Variants in NHSL1 observed in about 807,000 individuals in gnomAD.
NHSL1 encodes the protein NHS-like protein 1.
A neutral mutation model predicts 95.0 loss-of-function variants in NHSL1; 48 were observed. The observed-to-expected ratio is 0.51, with a 90% CI of 0.40 to 0.64. NHSL1 has a LOEUF of 0.64. NHSL1 is among the 30% of genes least tolerant of loss of function. NHSL1 has a pLI of 0.00. For synonymous variants in NHSL1, 783 were observed against 833.9 expected, an observed-to-expected ratio of 0.94 and a Z score of 1.05; for missense variants, 1,971 against 2,077.7, an observed-to-expected ratio of 0.95 and a Z score of 1.00.
intron 1 of NHSL1, among the ~76,000 whole-genome samples, chr6:138,639,723 T>G (rs941643478): frequency 5.6e-5 from 8 of 143,462 alleles, no homozygotes; most frequent in African/African-American, 2.1e-4. Context: ...GAAGAATCAC[T>G]TGAACCTGGG....
rs1157342436 is a variant in NHSL1, at chr6:138,464,715, C to CTTTTTTTTTTTTTTTTTTTTTT, written c.339+8590_339+8591insAAAAAAAAAAAAAAAAAAAAAA. ...TTCTCTTCACTTTTTTTTTTCTTTT[C>CTTTTTTTTTTTTTTTTTTTTTT]TTTTTTTTTTTTTTTGAGACAGAGT... On this transcript the variant is annotated intron_variant, in intron 3 of 7. Transcript: ENST00000343505. Among the ~76,000 whole-genome samples the CTTTTTTTTTTTTTTTTTTTTTT allele has an allele frequency of 4.6e-4, 55 of 118,964 alleles. 2 individuals are homozygous for CTTTTTTTTTTTTTTTTTTTTTT. The highest frequency in any genetic ancestry group is 1.0e-3 in the African/African-American group (30 of 28,840). The allele number at this position is 118,964 out of a possible 152,430, so 78.0% of individuals were successfully genotyped here. A position where few individuals can be genotyped will look rare whatever the true frequency, so the allele number is the denominator to read the frequency against.
At chr6:138,669,914 A>C (rs1482234140) in intron 1 of NHSL1, among the ~76,000 whole-genome samples, 10 of 152,136 alleles carry the variant, frequency 6.6e-5, no homozygotes, top group Non-Finnish European at 1.2e-4. Context: ...CGAGGTCAGG[A>C]GTTTGAGACC....
intron 3 of NHSL1, among the ~76,000 whole-genome samples, chr6:138,458,088 G>A (rs1004668959): frequency 1.3e-5 from 2 of 151,854 alleles, no homozygotes; most frequent in African/African-American, 4.8e-5. Flanking sequence ...GTCTTAACAC[G>A]GAAGACCATA....
At chr6:138,598,452 C>T (rs1784329314) in intron 1 of NHSL1, among the ~76,000 whole-genome samples, 1 of 124,708 alleles carries the variant, frequency 8.0e-6, no homozygotes. Flanking sequence ...AGCAAGACTC[C>T]ATCTTGGAAA....
intron 7 of NHSL1, among the ~76,000 whole-genome samples, chr6:138,427,811 A>C (rs2128191219): frequency 6.6e-6 from 1 of 152,348 alleles, no homozygotes. Flanking sequence ...AAGGACATAA[A>C]AATAAAGCCC....
chr6:138,486,385 T>G (rs1313771210), intron 2 of NHSL1, among the ~76,000 whole-genome samples: 2 of 152,162 alleles, frequency 1.3e-5, no homozygotes, highest in African/African-American at 4.8e-5. Context: ...ATCTAAAGAC[T>G]TCCTTGAAAC....
chr6:138,649,787 C>A (rs1785064887), intron 1 of NHSL1, among the ~76,000 whole-genome samples: 1 of 152,068 alleles, frequency 6.6e-6, no homozygotes, highest in East Asian at 1.9e-4. Flanking sequence ...GGGGATCACG[C>A]CCTATTTACG....
intron 1 of NHSL1, among the ~76,000 whole-genome samples, chr6:138,634,390 A>G (rs1784861389): frequency 6.6e-6 from 1 of 151,052 alleles, no homozygotes; most frequent in Admixed American, 6.6e-5. Flanking sequence ...ACAAAAACAA[A>G]CAAAAAGAGC....
At chr6:138,601,061 T>G (rs1296464580) in intron 1 of NHSL1, among the ~76,000 whole-genome samples, 1 of 152,216 alleles carries the variant, frequency 6.6e-6, no homozygotes, top group African/African-American at 2.4e-5. Context: ...CATTTACTTT[T>G]TAAGGTACTA....
rs116820431 is a variant in NHSL1 at position 138,612,321 on chromosome 6, G to A, written c.96+80155C>T. On this transcript the variant is annotated intron_variant, in intron 1 of 3. Coordinates refer to the NHSL1 transcript ENST00000491526. Reference sequence around the variant, plus strand: ...ACAGAAACACTAATACAAGAACTGCGTAATTTTAATACCCAAAAAACAAAG... The same window carrying A: ...ACAGAAACACTAATACAAGAACTGCATAATTTTAATACCCAAAAAACAAAG... Among the ~76,000 whole-genome samples, 1,505 of 152,118 alleles carry A rather than the reference G, an allele frequency of 9.9e-3. 28 individuals carry two copies. Among genetic ancestry groups the A allele is most frequent in the African/African-American group, 0.033 (1,388 of 41,492 alleles).
At chr6:138,558,747 T>C (rs1376041587) in intron 1 of NHSL1, among the ~76,000 whole-genome samples, 1 of 151,948 alleles carries the variant, frequency 6.6e-6, no homozygotes, top group African/African-American at 2.4e-5. Context: ...AGTAACTGTT[T>C]CAAAAAAAAC....
rs1174952254 is a variant in NHSL1 at position 138,422,636 on chromosome 6, G to A, written c.*1445C>T. On this transcript the variant is annotated 3_prime_UTR_variant, in exon 8 of 8. Transcript: ENST00000343505. ...GAGTCTAAGTACATGGAAGTTAAGG[G>A]AGTAAGGGTGGGGGTAATGAGATTA... is the stretch of plus-strand genomic sequence containing the variant. 1.3e-5 allele frequency: 2 copies of A among 152,152 alleles called. No individual in the cohort carries two copies. The highest frequency in any genetic ancestry group is 2.9e-5 in the Non-Finnish European group (2 of 68,030). 9.4% of individuals were successfully genotyped at this position (152,152 alleles called of 1,614,324 possible).
chr6:138,521,506 A>T (rs1487976785), intron 1 of NHSL1, among the ~76,000 whole-genome samples: 1 of 151,926 alleles, frequency 6.6e-6, no homozygotes, highest in Non-Finnish European at 1.5e-5. Context: ...ACCCCCCTGG[A>T]ATATGCCTAT....
intron 1 of NHSL1, among the ~76,000 whole-genome samples, chr6:138,620,338 T>C (rs999966478): frequency 3.3e-5 from 5 of 152,220 alleles, no homozygotes; most frequent in Admixed American, 2.0e-4. Context: ...AAAGTGTTTA[T>C]GAATGAAACT....
At chr6:138,692,769 G>C (rs1785699765), upstream of NHSL1, among the ~76,000 whole-genome samples, 1 of 150,862 alleles carries the variant, frequency 6.6e-6, no homozygotes, top group African/African-American at 2.4e-5. The surrounding 1 kb of genome is among the most constrained non-coding windows in gnomAD (Gnocchi z 4.0). Flanking sequence ...GGGCATGGCG[G>C]GGGCGGGCCG....
chr6:138,585,892 A>C (rs916284273), intron 1 of NHSL1, among the ~76,000 whole-genome samples: 3 of 151,712 alleles, frequency 2.0e-5, no homozygotes, highest in Non-Finnish European at 2.9e-5. Flanking sequence ...AAAAAAAAAA[A>C]ACTTAAAAAT....
At chr6:138,523,769 G>C (rs1781791061) in intron 1 of NHSL1, among the ~76,000 whole-genome samples, 1 of 152,138 alleles carries the variant, frequency 6.6e-6, no homozygotes, top group South Asian at 2.1e-4. Flanking sequence ...GAGTCATTTG[G>C]GATGTGACAT....
intron 1 of NHSL1, among the ~76,000 whole-genome samples, chr6:138,526,927 G>A (rs1781928777): frequency 1.3e-5 from 2 of 152,086 alleles, no homozygotes; most frequent in South Asian, 4.1e-4. Flanking sequence ...TGATAGTATC[G>A]ATAAAGTTTG....
intron 1 of NHSL1, among the ~76,000 whole-genome samples, chr6:138,584,012 A>G (rs1784098746): frequency 6.6e-6 from 1 of 152,216 alleles, no homozygotes; most frequent in Non-Finnish European, 1.5e-5. Flanking sequence ...CCAGCTACTC[A>G]GGAAGCTGAG....
Sources: gnomAD v4.1 joint callset for allele counts (sites outside exome capture counted in the v4.1 genomes callset) on GRCh38, gnomAD v4.1.1 for gene constraint, Gnocchi (gnomAD v3.1) non-coding constraint, MANE v1.5 for transcripts, NCBI Gene and HGNC (gene_info 2026-07-23, HGNC 2026-07-21) for gene names.